Variants in TBC1D20 observed in about 807,000 individuals in gnomAD.
TBC1D20 encodes the protein chromosome 20 open reading frame 140.
A neutral mutation model predicts 41.6 loss-of-function variants in TBC1D20; 12 were observed. The observed-to-expected ratio is 0.29, with a 90% CI of 0.18 to 0.47. The LOEUF (loss-of-function observed/expected upper bound fraction) is 0.47, where lower values mean the gene tolerates loss of function less well. Among genes scored for constraint, TBC1D20 ranks in the 20% least tolerant of loss-of-function variants. The probability of loss-of-function intolerance (pLI) is 1.00; values close to 1 mark genes in which losing one functional copy is unlikely to be tolerated. For synonymous variants in TBC1D20, 205 were observed against 204.8 expected (o/e 1.00, Z -0.01); for missense variants, 421 against 517.4 (o/e 0.81, Z 1.81).
chr20:437,997 T>A lies in TBC1D20; in HGVS notation c.*589A>T, dbSNP rs1424681274. ...GGAAACGCCCATGTGATTTCTAGGC[T>A]GAAAATAGGTAGGATTTAACGAGTA... On this transcript the variant is annotated 3_prime_UTR_variant, in exon 8 of 8. Coordinates refer to ENST00000354200, the MANE Select transcript of TBC1D20 (RefSeq NM_144628.4). The A allele has an allele frequency of 6.5e-6, 1 of 152,892 alleles. No homozygotes were observed. The highest frequency in any genetic ancestry group is 2.4e-5 in the African/African-American group (1 of 41,414). 9.5% of individuals were successfully genotyped at this position (152,892 alleles called of 1,614,324 possible).
rs1245823719 is a variant in TBC1D20 at position 435,657 on chromosome 20, C to T, written c.*2929G>A. The T allele has an allele frequency of 6.5e-6, 1 of 153,402 alleles. No individual in the cohort carries two copies. Among genetic ancestry groups the T allele is most frequent in the Non-Finnish European group, 1.5e-5 (1 of 68,082 alleles). The allele number at this position is 153,402 out of a possible 1,614,324, so 9.5% of individuals were successfully genotyped here. ...CACATGGACAAGTTCTCGTTCCCCT[C>T]CCTCCACATGTTCAGCTCTTCAGAA... On this transcript the variant is annotated 3_prime_UTR_variant, in exon 8 of 8. Transcript: ENST00000354200.
chr20:462,480 G>C lies in TBC1D20; in HGVS notation c.-75C>G. ...GGAGAAGACGCGGCTCCGACCGCGG[G>C]ACGTAGCACCCGCTCGGCATCGGCA... On this transcript the variant is annotated 5_prime_UTR_variant, in exon 1 of 8. Coordinates refer to ENST00000354200, the MANE Select transcript of TBC1D20 (RefSeq NM_144628.4). The C allele has an allele frequency of 1.1e-6, 1 of 910,580 alleles. No individual in the cohort carries two copies. Among genetic ancestry groups the C allele is most frequent in the Non-Finnish European group, 1.4e-6 (1 of 710,008 alleles). 56.4% of individuals were successfully genotyped at this position (910,580 alleles called of 1,614,324 possible).
intron 2 of TBC1D20, 49 bp from the exon 3 acceptor site, chr20:445,179 C>T: frequency 6.9e-7 from 1 of 1,447,070 alleles, no homozygotes. Flanking sequence ...AGAAGCCAGA[C>T]CAGAAGCAAA....
chr20:446,121 C>CA (rs969795929), intron 2 of TBC1D20, among the ~76,000 whole-genome samples: 5 of 152,276 alleles, frequency 3.3e-5, no homozygotes, highest in African/African-American at 1.2e-4. Flanking sequence ...GAATCCTCAG[C>CA]ACTTGGCATT....
chr20:451,342 C>T (rs776911790), intron 1 of TBC1D20, among the ~76,000 whole-genome samples: 15 of 152,104 alleles, frequency 9.9e-5, no homozygotes, highest in Non-Finnish European at 2.2e-4. Context: ...GTCAGGAGTT[C>T]GAGACCAGCC....
chr20:438,706 G>A lies in TBC1D20; in HGVS notation c.1092C>T (p.Thr364=), dbSNP rs771960046. 3 of 1,614,244 alleles carry A rather than the reference G, an allele frequency of 1.9e-6. No individual in the cohort carries two copies. The highest frequency in any genetic ancestry group is 1.1e-5 in the South Asian group (1 of 91,084). The change falls in exon 8 of 8, where the codon ACC becomes ACT. Residue 364 remains threonine (T), a synonymous_variant. Coordinates refer to ENST00000354200, the MANE Select transcript of TBC1D20 (RefSeq NM_144628.4). ...TCACTGCCAATTTCACAAAGCGGTTGGTCCTTGGCTTGGTCAGGACATCTT... is the reference window on the plus strand; with the variant it reads ...TCACTGCCAATTTCACAAAGCGGTTAGTCCTTGGCTTGGTCAGGACATCTT... ...RTKDVLTKPR[T]NRFVKLAVMG... is the part of the protein sequence containing the mutation.
rs761492621 is a variant in TBC1D20 at position 436,934 on chromosome 20, G to A, written c.*1652C>T. 8 of 152,584 alleles carry A rather than the reference G, an allele frequency of 5.2e-5. No individual in the cohort carries two copies. Among genetic ancestry groups the A allele is most frequent in the African/African-American group, 1.2e-4 (5 of 41,372 alleles). The allele number at this position is 152,584 out of a possible 1,614,324, so 9.5% of individuals were successfully genotyped here. A position where few individuals can be genotyped will look rare whatever the true frequency, so the allele number is the denominator to read the frequency against. The stretch of plus-strand genomic sequence containing the variant: ...TCGAGACCAGCCTGGCCAACGTGGC[G>A]AAACCCCATCTCTACTAAAAATACA... On this transcript the variant is annotated 3_prime_UTR_variant, in exon 8 of 8. Coordinates refer to ENST00000354200, the MANE Select transcript of TBC1D20 (RefSeq NM_144628.4).
chr20:454,293 A>AG (rs1425987700), intron 1 of TBC1D20, among the ~76,000 whole-genome samples: 2 of 112,562 alleles, frequency 1.8e-5, no homozygotes, highest in African/African-American at 3.4e-5. Flanking sequence ...ACAAGAAAAA[A>AG]GGAAAAAAAA....
rs933087902 is a variant in TBC1D20 at position 447,285 on chromosome 20, T to C, written c.256+604A>G. On this transcript the variant is annotated intron_variant, in intron 2 of 7. Transcript: ENST00000354200. ...CAAAATATGCATTTTTAAAAAACAC[T>C]TGCCAAGCAAGTATGCAGAACAAAG... is the stretch of plus-strand genomic sequence containing the variant. Among the ~76,000 whole-genome samples, 4 of 150,984 alleles carry C rather than the reference T, an allele frequency of 2.6e-5. No individual in the cohort carries two copies. The East Asian group carries it at 7.9e-4, about 30-fold the overall frequency.
At chr20:447,255 C>T (rs577640172) in intron 2 of TBC1D20, among the ~76,000 whole-genome samples, 27 of 151,758 alleles carry the variant, frequency 1.8e-4, no homozygotes, top group Non-Finnish European at 2.9e-4. Flanking sequence ...CCACCACACC[C>T]GGCCCAAAAT....
chr20:449,285 TAAAAAAAAAAA>T, intron 1 of TBC1D20, among the ~76,000 whole-genome samples: 1 of 56,930 alleles, frequency 1.8e-5, no homozygotes, highest in South Asian at 9.6e-4. Flanking sequence ...CCCAATACAT[TAAAAAAAAAAA>T]AAAAAAAAAG....
rs961576663 is a variant in TBC1D20 at position 462,490 on chromosome 20, C to T, written c.-85G>A. The stretch of plus-strand genomic sequence containing the variant: ...CGGCTCCGACCGCGGGACGTAGCAC[C>T]CGCTCGGCATCGGCAGGCTCCCCTC... On this transcript the variant is annotated 5_prime_UTR_variant, in exon 1 of 8. Coordinates refer to ENST00000354200, the MANE Select transcript of TBC1D20 (RefSeq NM_144628.4). 5 of 823,616 alleles carry T rather than the reference C, an allele frequency of 6.1e-6. No homozygotes were observed. The East Asian group carries it at 2.1e-4, about 34-fold the overall frequency. The allele number at this position is 823,616 out of a possible 1,614,324, so 51.0% of individuals were successfully genotyped here.
intron 1 of TBC1D20, among the ~76,000 whole-genome samples, chr20:451,971 T>C (rs1413549557): frequency 2.0e-5 from 3 of 152,228 alleles, no homozygotes; most frequent in African/African-American, 7.2e-5. Flanking sequence ...AATTTTATTT[T>C]TCTTTCACTG....
At chr20:450,239 C>T (rs553473334) in intron 1 of TBC1D20, among the ~76,000 whole-genome samples, 1 of 151,734 alleles carries the variant, frequency 6.6e-6, no homozygotes, top group Admixed American at 6.6e-5. Context: ...ACCTCCCTGT[C>T]CCAGGTTCAA....
At position 439,665 on chromosome 20, in the gene TBC1D20, G is replaced by T. The variant is rs977415789; in HGVS notation, c.769-370C>A. Among the ~76,000 whole-genome samples, 6 of 152,186 alleles carry T rather than the reference G, an allele frequency of 3.9e-5. No homozygotes were observed. The highest frequency in any genetic ancestry group is 8.8e-5 in the Non-Finnish European group (6 of 68,020). ...CTGGAGCTCCAGCATAGAAGAAATG[G>T]TTCAAAACAGTAGAAAGAACAGTCT... On this transcript the variant is annotated intron_variant, in intron 6 of 7. Transcript: ENST00000354200. The surrounding 1 kb of genome is among the most constrained non-coding windows in gnomAD (Gnocchi z 4.6).
chr20:452,404 GA>G (rs2017461730), intron 1 of TBC1D20, among the ~76,000 whole-genome samples: 1 of 152,230 alleles, frequency 6.6e-6, no homozygotes, highest in South Asian at 2.1e-4. Context: ...CAAGGTGTGA[GA>G]ATCACTTGAG....
At position 462,182 on chromosome 20, in the gene TBC1D20, C is replaced by T. The variant is rs182088571; in HGVS notation, c.70+154G>A. ...CCAGGCCCTCTCCTCATCAGACGTG[C>T]CCTGGGCCCTCAGCCTGTTCCTCTC... On this transcript the variant is annotated intron_variant, in intron 1 of 7. Coordinates refer to ENST00000354200, the MANE Select transcript of TBC1D20 (RefSeq NM_144628.4). Among the ~76,000 whole-genome samples, 179 of 149,486 alleles carry T rather than the reference C, an allele frequency of 1.2e-3. 4 individuals are homozygous for T. In the East Asian group the frequency reaches 0.027, roughly 23 times the overall value.
rs761833391 is a variant in TBC1D20, at chr20:439,132, G to T, written c.932C>A (p.Ala311Asp). Residue 311 changes from alanine (A) to aspartate (D), a missense_variant, in exon 7 of 8, where the codon GCC (alanine) becomes GAC (aspartate). By Grantham distance (126) the Ala-to-Asp change is moderately radical. Transcript: ENST00000354200. The surrounding 1 kb of genome is among the most constrained non-coding windows in gnomAD (Gnocchi z 4.6). ...CCTCTCAGCTTGCTGTTGGGCAGCG[G>T]CCTCCCGAGCAAGTTCGGATGGGGG... ...QFPPSELARE[A>D]AAQQQAERTA... The T allele has an allele frequency of 6.8e-6, 11 of 1,613,384 alleles. No individual in the cohort carries two copies. The highest frequency in any genetic ancestry group is 1.1e-5 in the South Asian group (1 of 90,984).
At chr20:443,094 C>T (rs1382321548) in intron 3 of TBC1D20, among the ~76,000 whole-genome samples, 1 of 151,704 alleles carries the variant, frequency 6.6e-6, no homozygotes, top group Non-Finnish European at 1.5e-5. Flanking sequence ...AGCAAGACTC[C>T]GTCTCCAAGA....
Sources: gnomAD v4.1 joint callset for allele counts (sites outside exome capture counted in the v4.1 genomes callset) on GRCh38, gnomAD v4.1.1 for gene constraint, Gnocchi (gnomAD v3.1) non-coding constraint, MANE v1.5 for transcripts, NCBI Gene and HGNC (gene_info 2026-07-23, HGNC 2026-07-21) for gene names.